Variants in MAP3K20 observed in about 807,000 individuals in gnomAD.
The protein encoded by MAP3K20 is HCCS-4.
In MAP3K20, 40 loss-of-function variants were observed where a neutral mutation model predicts 85.7. The ratio of observed to expected loss-of-function variants is 0.47; its 90% CI spans 0.36 to 0.61. The LOEUF (loss-of-function observed/expected upper bound fraction) is 0.61, where lower values mean the gene tolerates loss of function less well. Among genes scored for constraint, MAP3K20 ranks in the 20% least tolerant of loss-of-function variants. The pLI is 0.00. For missense variants in MAP3K20, 817 were observed against 961.7 expected, an observed-to-expected ratio of 0.85 and a Z score of 1.99; for synonymous variants, 325 against 327.7, an observed-to-expected ratio of 0.99 and a Z score of 0.09.
intron 9 of MAP3K20, among the ~76,000 whole-genome samples, chr2:173,205,060 G>A (rs1383535791): frequency 1.4e-4 from 20 of 144,162 alleles, no homozygotes; most frequent in South Asian, 1.3e-3. Context: ...CCAAGATTGC[G>A]CCACTGCACT....
intron 4 of MAP3K20, among the ~76,000 whole-genome samples, 169 bp downstream of exon 4, chr2:173,183,124 G>A (rs983518873): frequency 6.6e-6 from 1 of 152,106 alleles, no homozygotes; most frequent in Non-Finnish European, 1.5e-5. Flanking sequence ...TTAGGTCATT[G>A]CCTTTCCACT....
At chr2:173,086,973 C>T (rs1181773815) in intron 1 of MAP3K20, among the ~76,000 whole-genome samples, 1 of 152,206 alleles carries the variant, frequency 6.6e-6, no homozygotes, top group Non-Finnish European at 1.5e-5. Flanking sequence ...CAGAACCCTC[C>T]GGGGCACTTG....
chr2:173,198,016 T>C lies in MAP3K20; in HGVS notation c.583-10T>C. The stretch of plus-strand genomic sequence containing the variant: ...ACAAAAATAAAAATTCCATTTTCTT[T>C]TTGTTCCAGGTTCTCTGGGAGATGC... On this transcript the variant is annotated splice_polypyrimidine_tract_variant and intron_variant, in intron 7 of 19. Transcript: ENST00000375213. The surrounding 1 kb of genome is among the most constrained non-coding windows in gnomAD (Gnocchi z 5.8). 1 of 1,605,742 alleles carries C rather than the reference T, an allele frequency of 6.2e-7. No homozygotes were observed. The highest frequency in any genetic ancestry group is 8.5e-7 in the Non-Finnish European group (1 of 1,176,842).
intron 10 of MAP3K20, 183 bp downstream of exon 10, chr2:173,210,018 T>C (rs1415600938): frequency 1.7e-6 from 1 of 599,428 alleles, no homozygotes. Flanking sequence ...AAGCAAGAAA[T>C]AGTGTTTCTC....
Position 173,266,783 on chromosome 2 carries a change from TAAAAAA to T in MAP3K20, c.*45_*50del, listed in dbSNP as rs3835094. 4.9e-6 allele frequency: 5 copies of T among 1,030,200 alleles called. No individual in the cohort carries two copies. The highest frequency in any genetic ancestry group is 3.3e-5 in the South Asian group (1 of 30,522). 63.8% of individuals were successfully genotyped at this position (1,030,200 alleles called of 1,614,324 possible). ...AACTACATAGCTTTTCTAAGCAGGT[TAAAAAA>T]AAAAAAAAAAAGAAATGTAATGGTT... On this transcript the variant is annotated 3_prime_UTR_variant, in exon 20 of 20. Transcript: ENST00000375213.
chr2:173,152,047 CTCATGCTTCATAG>C (rs925512890), intron 2 of MAP3K20, among the ~76,000 whole-genome samples: 1 of 152,216 alleles, frequency 6.6e-6, no homozygotes, highest in African/African-American at 2.4e-5. Flanking sequence ...GGTCTATACT[CTCATGCTTCATAG>C]CCCATGATTT....
intron 2 of MAP3K20, among the ~76,000 whole-genome samples, chr2:173,140,278 G>C (rs536548306): frequency 6.6e-6 from 1 of 152,166 alleles, no homozygotes; most frequent in African/African-American, 2.4e-5. Flanking sequence ...CCAAAGTGCT[G>C]GGATTACAGG....
At chr2:173,262,415 C>A (rs1356574294) in intron 18 of MAP3K20, among the ~76,000 whole-genome samples, 1 of 152,110 alleles carries the variant, frequency 6.6e-6, no homozygotes, top group Non-Finnish European at 1.5e-5. Flanking sequence ...GCCTGGCCAA[C>A]ATGGTAAAAC....
intron 11 of MAP3K20, among the ~76,000 whole-genome samples, chr2:173,219,289 T>C (rs1684165765): frequency 6.6e-6 from 1 of 152,204 alleles, no homozygotes; most frequent in Non-Finnish European, 1.5e-5. Context: ...AAAAATTGTA[T>C]CATTGAATTA....
intron 3 of MAP3K20, among the ~76,000 whole-genome samples, chr2:173,180,235 A>G (rs1358355534): frequency 6.6e-6 from 1 of 152,248 alleles, no homozygotes; most frequent in Non-Finnish European, 1.5e-5. Flanking sequence ...AGTAATCAAC[A>G]TAATACAATA....
intron 8 of MAP3K20, 31 bp from the exon 9 acceptor site, chr2:173,203,760 GTTTTA>G (rs1559276881): frequency 7.3e-6 from 11 of 1,508,686 alleles, no homozygotes; most frequent in East Asian, 2.3e-5. Flanking sequence ...ATAAATCCCT[GTTTTA>G]TTTTGTTTTG....
intron 1 of MAP3K20, among the ~76,000 whole-genome samples, chr2:173,079,964 A>G (rs921015252): frequency 4.6e-5 from 7 of 152,158 alleles, no homozygotes; most frequent in Non-Finnish European, 1.0e-4. Context: ...ATAAATGAGT[A>G]ACACAGTCAT....
intron 16 of MAP3K20, among the ~76,000 whole-genome samples, chr2:173,255,859 T>C (rs979053663): frequency 1.6e-4 from 24 of 152,252 alleles, no homozygotes; most frequent in Admixed American, 3.3e-4. Flanking sequence ...AGGTTCTTGC[T>C]ATTTCAGAGA....
chr2:173,109,018 T>C (rs762875105), intron 2 of MAP3K20, among the ~76,000 whole-genome samples: 3 of 152,238 alleles, frequency 2.0e-5, no homozygotes, highest in East Asian at 1.9e-4. Context: ...TACACTCATA[T>C]GCTTTTGATA....
rs1439090174 is a variant in MAP3K20 at position 173,222,533 on chromosome 2, A to AG, written c.987+5289dup. 8 of 985,766 alleles carry AG rather than the reference A, an allele frequency of 8.1e-6. No individual in the cohort carries two copies. In the East Asian group the frequency reaches 3.4e-4, roughly 42 times the overall value. 61.1% of individuals were successfully genotyped at this position (985,766 alleles called of 1,614,324 possible). A position where few individuals can be genotyped will look rare whatever the true frequency, so the allele number is the denominator to read the frequency against. The stretch of plus-strand genomic sequence containing the variant: ...GAGGTGGTCTTAAGGGGATGCTTCC[A>AG]GGGGGGTGAGTTCATGCCTCTCCTG... On this transcript the variant is annotated intron_variant, in intron 11 of 19. Transcript: ENST00000375213.
chr2:173,258,278 C>T (rs1685204655), intron 16 of MAP3K20, among the ~76,000 whole-genome samples: 1 of 152,106 alleles, frequency 6.6e-6, no homozygotes, highest in African/African-American at 2.4e-5. Flanking sequence ...TCAAGAGGGC[C>T]TTATGTTTCA....
At chr2:173,226,213 A>C in intron 11 of MAP3K20, 1 of 985,338 alleles carries the variant, frequency 1.0e-6, no homozygotes, top group Non-Finnish European at 1.2e-6. Context: ...TTTAGGAGTG[A>C]TCCAGAATGA....
intron 1 of MAP3K20, among the ~76,000 whole-genome samples, chr2:173,085,301 A>C (rs571087897): frequency 9.2e-5 from 14 of 152,338 alleles, no homozygotes; most frequent in African/African-American, 3.4e-4. Context: ...GATCTGAAAA[A>C]TCAAGAAGCA....
At chr2:173,182,102 C>T (rs1212922121) in intron 3 of MAP3K20, among the ~76,000 whole-genome samples, 1 of 152,032 alleles carries the variant, frequency 6.6e-6, no homozygotes, top group African/African-American at 2.4e-5. Context: ...GAAATAAAGA[C>T]ATTATGCTAA....
Sources: allele counts gnomAD v4.1 joint callset (sites outside exome capture counted in the v4.1 genomes callset), GRCh38; gene constraint gnomAD v4.1.1; non-coding constraint Gnocchi (gnomAD v3.1); transcripts MANE v1.5; gene names NCBI Gene and HGNC (gene_info 2026-07-23, HGNC 2026-07-21).